RRAGD: variants seen among roughly 807,000 people sequenced by gnomAD.
RRAGD encodes Ras related GTP binding D, also known as ras-related GTP-binding protein D.
A neutral mutation model predicts 35.5 loss-of-function variants in RRAGD; 12 were observed. That is an observed-to-expected ratio of 0.34 (90% CI 0.22 to 0.55). The LOEUF (loss-of-function observed/expected upper bound fraction) is 0.55, where lower values mean the gene tolerates loss of function less well. RRAGD is among the 20% of genes least tolerant of loss of function. The pLI is 0.91. For synonymous variants in RRAGD, 155 were observed against 178.9 expected, an observed-to-expected ratio of 0.87 and a Z score of 1.07; for missense variants, 324 against 490.1, an observed-to-expected ratio of 0.66 and a Z score of 3.20.
chr6:89,391,820 G>T (rs1216223496), intron 1 of RRAGD, among the ~76,000 whole-genome samples: 4 of 151,874 alleles, frequency 2.6e-5, no homozygotes, highest in Non-Finnish European at 4.4e-5. Context: ...AGCCAGGTGT[G>T]GTGGCACGCA....
chr6:89,387,304 A>G lies in RRAGD; in HGVS notation c.435T>C (p.Ile145=). 1 of 1,613,432 alleles carries G rather than the reference A, an allele frequency of 6.2e-7. No homozygotes were observed. Among genetic ancestry groups the G allele is most frequent in the Non-Finnish European group, 8.5e-7 (1 of 1,179,366 alleles). The change falls in exon 2 of 7, where the codon ATT becomes ATC. Residue 145 remains isoleucine, a synonymous_variant. Transcript: ENST00000369415. ...AGACTCTGAGCTTTACCTGTGAGTC[A>G]ATGACAAATATCAGTGCTCCTGTTC... ...FRGTGALIFV[I]DSQDDYMEAL...
intron 1 of RRAGD, among the ~76,000 whole-genome samples, chr6:89,399,675 G>A (rs913200008): frequency 6.6e-6 from 1 of 152,060 alleles, no homozygotes; most frequent in African/African-American, 2.4e-5. Context: ...AGCTACTCAG[G>A]AGGCTGAGAT....
At chr6:89,391,045 C>T (rs1769223145) in intron 1 of RRAGD, among the ~76,000 whole-genome samples, 1 of 152,090 alleles carries the variant, frequency 6.6e-6, no homozygotes, top group East Asian at 1.9e-4. Flanking sequence ...AAAGTAGAAA[C>T]TGCCCAACAC....
chr6:89,393,174 G>A (rs1401331410), intron 1 of RRAGD, among the ~76,000 whole-genome samples: 2 of 152,146 alleles, frequency 1.3e-5, no homozygotes, highest in African/African-American at 4.8e-5. Flanking sequence ...ACAAATAGGT[G>A]CACAATGAAA....
chr6:89,412,111 G>A lies in RRAGD; in HGVS notation c.-118C>T. ...GGAGGTTTGTCTAGAGCTCAGCGGG[G>A]CCCGGCGGAAGCGGGGGCCGCGCGT... On this transcript the variant is annotated 5_prime_UTR_variant, in exon 1 of 7. Coordinates refer to ENST00000369415, the MANE Select transcript of RRAGD (RefSeq NM_021244.5). This position sits in a 1 kb window ranked among gnomAD's most constrained non-coding sequence, Gnocchi z 4.2. The A allele has an allele frequency of 9.8e-7, 1 of 1,016,362 alleles. No homozygotes were observed. Among genetic ancestry groups the A allele is most frequent in the Non-Finnish European group, 1.3e-6 (1 of 779,440 alleles). 63.0% of individuals were successfully genotyped at this position (1,016,362 alleles called of 1,614,324 possible). A position where few individuals can be genotyped will look rare whatever the true frequency, so the allele number is the denominator to read the frequency against.
chr6:89,391,109 G>A (rs186527414), intron 1 of RRAGD, among the ~76,000 whole-genome samples: 1 of 152,202 alleles, frequency 6.6e-6, no homozygotes, highest in East Asian at 1.9e-4. Context: ...TACAGGCTAG[G>A]AATGGTGGCT....
intron 1 of RRAGD, among the ~76,000 whole-genome samples, chr6:89,403,443 A>G (rs75039526): frequency 1.4e-5 from 2 of 146,148 alleles, no homozygotes; most frequent in Non-Finnish European, 3.0e-5. Context: ...AGACTCTGTC[A>G]AAAAAAAAAA....
At chr6:89,378,647 C>T (rs1483200776) in intron 4 of RRAGD, among the ~76,000 whole-genome samples, 1 of 152,222 alleles carries the variant, frequency 6.6e-6, no homozygotes, top group African/African-American at 2.4e-5. Flanking sequence ...TCAATAAAGC[C>T]AAGTTTTATG....
At chr6:89,385,623 C>T (rs76674357) in intron 2 of RRAGD, among the ~76,000 whole-genome samples, 20 of 152,326 alleles carry the variant, frequency 1.3e-4, no homozygotes, top group Non-Finnish European at 2.5e-4. Context: ...CAGCTGCTGA[C>T]AGCAGGCCCT....
intron 1 of RRAGD, among the ~76,000 whole-genome samples, chr6:89,407,568 G>A (rs1368098463): frequency 6.6e-6 from 1 of 152,184 alleles, no homozygotes; most frequent in Non-Finnish European, 1.5e-5. Context: ...CCTGAACCCA[G>A]AAGGTGGAGG....
intron 1 of RRAGD, among the ~76,000 whole-genome samples, chr6:89,406,776 A>G (rs1461871441): frequency 6.6e-6 from 1 of 152,214 alleles, no homozygotes; most frequent in African/African-American, 2.4e-5. Flanking sequence ...AAGCCCATAG[A>G]TGGCAAAACT....
chr6:89,367,888 T>G lies in RRAGD; in HGVS notation c.*168A>C. Reference sequence around the variant, plus strand: ...ATACAAGTTTTTGCTTCAAAGTGCTTACTTTATTTATAAAAGAGAAGATCA... The same window carrying G: ...ATACAAGTTTTTGCTTCAAAGTGCTGACTTTATTTATAAAAGAGAAGATCA... On this transcript the variant is annotated 3_prime_UTR_variant, in exon 7 of 7. Transcript: ENST00000369415. 1 of 514,722 alleles carries G rather than the reference T, an allele frequency of 1.9e-6. No individual in the cohort carries two copies. The highest frequency in any genetic ancestry group is 3.2e-6 in the Non-Finnish European group (1 of 311,624). The allele number at this position is 514,722 out of a possible 1,614,324, so 31.9% of individuals were successfully genotyped here.
At chr6:89,390,360 G>A (rs868018313) in intron 1 of RRAGD, among the ~76,000 whole-genome samples, 4 of 152,106 alleles carry the variant, frequency 2.6e-5, no homozygotes, top group South Asian at 4.1e-4. Flanking sequence ...CAAAGGATGC[G>A]AATAGACATT....
At chr6:89,384,112 A>G (rs1045819748) in intron 2 of RRAGD, among the ~76,000 whole-genome samples, 38 of 152,026 alleles carry the variant, frequency 2.5e-4, no homozygotes, top group African/African-American at 7.2e-4. Context: ...AAAAAAAAAA[A>G]AAAGAAAGAA....
Position 89,380,386 on chromosome 6 carries a change from C to T in RRAGD, c.445-19G>A, listed in dbSNP as rs760923820. On this transcript the variant is annotated intron_variant, in intron 2 of 6. Transcript: ENST00000369415. ...AATCATCCTAGGACCAAAGGCAACGCCTGTGAGAGAAGGCCGCTTTGCTTC... is the reference window on the plus strand; with the variant it reads ...AATCATCCTAGGACCAAAGGCAACGTCTGTGAGAGAAGGCCGCTTTGCTTC... 1 of 1,610,182 alleles carries T rather than the reference C, an allele frequency of 6.2e-7. No individual in the cohort carries two copies. The highest frequency in any genetic ancestry group is 2.2e-5 in the East Asian group (1 of 44,780).
rs1355368344 is a variant in RRAGD at position 89,364,637 on chromosome 6, AAATTT to A, written c.*3414_*3418del. 6.6e-6 allele frequency: 1 copy of A among 152,256 alleles called. No individual in the cohort carries two copies. The highest frequency in any genetic ancestry group is 6.5e-5 in the Admixed American group (1 of 15,284). The allele number at this position is 152,256 out of a possible 1,614,324, so 9.4% of individuals were successfully genotyped here. ...GAGTTTAAAAATAAAAGCATAAATT[AAATTT>A]AAGTAGTGAGATTTATCATCATTTC... is the stretch of plus-strand genomic sequence containing the variant. On this transcript the variant is annotated 3_prime_UTR_variant, in exon 7 of 7. Transcript: ENST00000369415.
chr6:89,407,590 C>T (rs1421889090), intron 1 of RRAGD, among the ~76,000 whole-genome samples: 1 of 151,990 alleles, frequency 6.6e-6, no homozygotes, highest in Non-Finnish European at 1.5e-5. Context: ...TGCAGTGAGC[C>T]GAGATCATGC....
intron 1 of RRAGD, among the ~76,000 whole-genome samples, chr6:89,398,861 G>A (rs915018461): frequency 7.2e-5 from 11 of 152,092 alleles, no homozygotes; most frequent in Admixed American, 1.3e-4. Context: ...TCAGCTGTCT[G>A]TCACATTAAA....
At chr6:89,380,473 T>C in intron 2 of RRAGD, 106 bp from the exon 3 acceptor site, 1 of 886,408 alleles carries the variant, frequency 1.1e-6, no homozygotes, top group Non-Finnish European at 1.7e-6. Flanking sequence ...CCGAAATACG[T>C]TGCAAAGGTT....
Sources: gnomAD v4.1 joint callset for allele counts (sites outside exome capture counted in the v4.1 genomes callset) on GRCh38, gnomAD v4.1.1 for gene constraint, Gnocchi (gnomAD v3.1) non-coding constraint, MANE v1.5 for transcripts, NCBI Gene and HGNC (gene_info 2026-07-23, HGNC 2026-07-21) for gene names.